The following PTPRM variants were observed in gnomAD, a reference collection of about 807,000 sequenced individuals.
PTPRM encodes protein tyrosine phosphatase receptor type M.
A neutral mutation model predicts 186.7 loss-of-function variants in PTPRM; 47 were observed. The ratio of observed to expected loss-of-function variants is 0.25; its 90% CI spans 0.20 to 0.32. The LOEUF (loss-of-function observed/expected upper bound fraction) is 0.32, where lower values mean the gene tolerates loss of function less well. Among genes scored for constraint, PTPRM ranks in the 10% least tolerant of loss-of-function variants. The probability of loss-of-function intolerance (pLI) is 1.00; values close to 1 mark genes in which losing one functional copy is unlikely to be tolerated. For synonymous variants in PTPRM, 668 were observed against 674.9 expected, an observed-to-expected ratio of 0.99 and a Z score of 0.16; for missense variants, 1,494 against 1,865.0, an observed-to-expected ratio of 0.80 and a Z score of 3.66.
chr18:7,623,572 T>A (rs2143998283), intron 1 of PTPRM, among the ~76,000 whole-genome samples: 1 of 152,332 alleles, frequency 6.6e-6, no homozygotes, highest in East Asian at 1.9e-4. Flanking sequence ...TAGCTGCATG[T>A]GACTTTAATA....
chr18:8,343,390 A>G (rs2095486154), intron 22 of PTPRM, 33 bp from the exon 23 acceptor site: 3 of 1,598,000 alleles, frequency 1.9e-6, no homozygotes, highest in African/African-American at 2.7e-5. Flanking sequence ...ACTTACAACA[A>G]AAACAAAAAG....
chr18:7,922,632 C>A (rs1339091954), intron 4 of PTPRM, among the ~76,000 whole-genome samples: 1 of 152,146 alleles, frequency 6.6e-6, no homozygotes, highest in Non-Finnish European at 1.5e-5. Context: ...GGAATAGTCT[C>A]ATCCTCATAT....
chr18:7,578,332 A>C (rs1020641402), intron 1 of PTPRM, among the ~76,000 whole-genome samples: 3 of 121,554 alleles, frequency 2.5e-5, no homozygotes, highest in African/African-American at 1.0e-4. Context: ...TGGCTAATTA[A>C]TTTTTTTTTT....
intron 1 of PTPRM, among the ~76,000 whole-genome samples, chr18:7,578,380 G>A (rs2036748391): frequency 6.8e-6 from 1 of 147,392 alleles, no homozygotes; most frequent in Non-Finnish European, 1.5e-5. Flanking sequence ...CTGTCGCCCA[G>A]GCTGGAGTAC....
At chr18:7,635,971 G>T (rs964008751) in intron 1 of PTPRM, among the ~76,000 whole-genome samples, 1 of 152,220 alleles carries the variant, frequency 6.6e-6, no homozygotes, top group East Asian at 1.9e-4. Context: ...TGTTGTAAAT[G>T]ACTTATTTGG....
At chr18:8,171,738 A>G (rs552817395) in intron 14 of PTPRM, among the ~76,000 whole-genome samples, 2 of 152,224 alleles carry the variant, frequency 1.3e-5, no homozygotes, top group Non-Finnish European at 2.9e-5. Flanking sequence ...CCCTATACAG[A>G]TGCTCCTGGA....
At chr18:8,405,646 C>T (rs2095901779) in intron 32 of PTPRM, among the ~76,000 whole-genome samples, 1 of 152,174 alleles carries the variant, frequency 6.6e-6, no homozygotes, top group Non-Finnish European at 1.5e-5. Context: ...ATGAAATTCT[C>T]ATGAGATTGA....
chr18:7,863,533 C>CCTT (rs1341116216), intron 2 of PTPRM, among the ~76,000 whole-genome samples: 1 of 152,142 alleles, frequency 6.6e-6, no homozygotes, highest in Non-Finnish European at 1.5e-5. Flanking sequence ...ATGAACTCAT[C>CCTT]CTTTTTTATG....
rs1227870526 is a variant in PTPRM at position 8,099,474 on chromosome 18, A to G, written c.1856+10623A>G. On this transcript the variant is annotated intron_variant, in intron 11 of 32. Coordinates refer to ENST00000580170, the MANE Select transcript of PTPRM (RefSeq NM_001105244.2). ...TTTGTTTCTCATTTTTTTAAACTGT[A>G]GAAGAATTTTTACTGAGGCAAAAAC... Among the ~76,000 whole-genome samples, 5 of 152,122 alleles carry G rather than the reference A, an allele frequency of 3.3e-5. No individual in the cohort carries two copies. The East Asian group carries it at 9.6e-4, about 29-fold the overall frequency.
intron 1 of PTPRM, among the ~76,000 whole-genome samples, chr18:7,711,424 G>A (rs2144783172): frequency 6.6e-6 from 1 of 152,308 alleles, no homozygotes; most frequent in East Asian, 1.9e-4. Flanking sequence ...CAGACACCGA[G>A]CTAGCTGCAG....
At chr18:7,632,192 T>A (rs778020663) in intron 1 of PTPRM, among the ~76,000 whole-genome samples, 54 of 152,226 alleles carry the variant, frequency 3.5e-4, no homozygotes, top group Admixed American at 6.5e-4. Flanking sequence ...TCCATTTCAC[T>A]GTAGTGACAT....
chr18:8,266,122 C>T (rs747977509), intron 19 of PTPRM, among the ~76,000 whole-genome samples: 2 of 152,148 alleles, frequency 1.3e-5, no homozygotes, highest in Non-Finnish European at 2.9e-5. Flanking sequence ...TTCCGAATCT[C>T]ACTTCTAACC....
chr18:8,068,955 A>ACAC (rs1568286139), intron 7 of PTPRM, among the ~76,000 whole-genome samples: 1 of 151,520 alleles, frequency 6.6e-6, no homozygotes, highest in African/African-American at 2.4e-5. Flanking sequence ...CACACACACA[A>ACAC]AAAAATTAGC....
chr18:8,405,174 A>G (rs2095897455), intron 32 of PTPRM: 1 of 151,808 alleles, frequency 6.6e-6, no homozygotes, highest in South Asian at 2.1e-4. Flanking sequence ...AAAGAAAAAA[A>G]AAAAAAAAAG....
rs193239615 is a variant in PTPRM, at chr18:7,708,916, T to A, written c.74-65233T>A. 4.8e-4 allele frequency among the ~76,000 whole-genome samples: 73 copies of A among 152,266 alleles called. 4 individuals carry two copies. In the East Asian group the frequency reaches 8.9e-3, roughly 18 times the overall value. ...ATAGTACTAAACTATTATAGAGTGT[T>A]GAAAAATGTGTTCAGGTTTGCTCAC... On this transcript the variant is annotated intron_variant, in intron 1 of 32. Transcript: ENST00000580170.
intron 14 of PTPRM, among the ~76,000 whole-genome samples, chr18:8,235,110 G>A (rs1330357387): frequency 6.6e-6 from 1 of 152,104 alleles, no homozygotes; most frequent in African/African-American, 2.4e-5. Flanking sequence ...GAGCTAGGAA[G>A]TATTCTCTAT....
At chr18:7,643,935 T>C (rs1327435359) in intron 1 of PTPRM, among the ~76,000 whole-genome samples, 1 of 152,134 alleles carries the variant, frequency 6.6e-6, no homozygotes, top group African/African-American at 2.4e-5. Flanking sequence ...AAATCAAGTT[T>C]TAAAAAAAGG....
chr18:7,900,572 T>C (rs2049613591), intron 3 of PTPRM, among the ~76,000 whole-genome samples: 1 of 152,218 alleles, frequency 6.6e-6, no homozygotes, highest in Non-Finnish European at 1.5e-5. Flanking sequence ...TATATATATG[T>C]ATGTAAAGGT....
chr18:7,860,226 C>T (rs2047301552), intron 2 of PTPRM, among the ~76,000 whole-genome samples: 1 of 151,966 alleles, frequency 6.6e-6, no homozygotes, highest in Non-Finnish European at 1.5e-5. Context: ...TTGTGTGCCA[C>T]CAAACCCAGC....
Sources: allele counts gnomAD v4.1 joint callset (sites outside exome capture counted in the v4.1 genomes callset), GRCh38; gene constraint gnomAD v4.1.1; transcripts MANE v1.5; gene names NCBI Gene and HGNC (gene_info 2026-07-23, HGNC 2026-07-21).